The following HIP1R variants were observed in gnomAD, a reference collection of about 807,000 sequenced individuals.
HIP1R encodes huntingtin-interacting protein 1-related protein.
In HIP1R, 135 loss-of-function variants were observed where a neutral mutation model predicts 144.2. That is an observed-to-expected ratio of 0.94 (90% confidence interval 0.81 to 1.08). The LOEUF is 1.08. Ranked by LOEUF, HIP1R falls within the 50% of genes least tolerant of loss-of-function variation. The probability of loss-of-function intolerance (pLI) is 0.00; values close to 1 mark genes in which losing one functional copy is unlikely to be tolerated. For missense variants in HIP1R, 1,462 were observed against 1,432.8 expected (o/e 1.02, Z -0.33); for synonymous variants, 698 against 612.8 (o/e 1.14, Z -2.05).
At chr12:122,853,839 CTTG>C (rs996916571) in intron 7 of HIP1R, 24 of 541,280 alleles carry the variant, frequency 4.4e-5, no homozygotes, top group African/African-American at 3.3e-4. Flanking sequence ...TTGCCCTGAC[CTTG>C]TTGTTGCCGT....
At chr12:122,841,946 G>A (rs1351448174) in intron 1 of HIP1R, among the ~76,000 whole-genome samples, 1 of 152,194 alleles carries the variant, frequency 6.6e-6, no homozygotes, top group East Asian at 1.9e-4. Context: ...GGACCAAGCA[G>A]GCCTGGGTGA....
At chr12:122,858,552 C>T in intron 20 of HIP1R, 117 bp downstream of exon 20, 2 of 812,668 alleles carry the variant, frequency 2.5e-6, no homozygotes, top group Non-Finnish European at 3.8e-6. Flanking sequence ...GGAAGCCAAG[C>T]AGATGCCCCC....
At position 122,860,240 on chromosome 12, in the gene HIP1R, C is replaced by T. The variant is rs542278246; in HGVS notation, c.2559+30C>T. The T allele has an allele frequency of 3.8e-5, 59 of 1,538,020 alleles. No homozygotes were observed. In the South Asian group the frequency reaches 6.6e-4, roughly 17 times the overall value. On this transcript the variant is annotated intron_variant, in intron 26 of 31. Coordinates refer to ENST00000253083, the MANE Select transcript of HIP1R (RefSeq NM_003959.3). ...GGGGCCGGCGGCAGCAGGGCACAGTCCACAAGGAGCCTGACCCCCAGCCTA... is the reference window on the plus strand; with the variant it reads ...GGGGCCGGCGGCAGCAGGGCACAGTTCACAAGGAGCCTGACCCCCAGCCTA...
intron 1 of HIP1R, 84 bp downstream of exon 1, chr12:122,835,727 TGG>T: frequency 1.3e-6 from 1 of 780,126 alleles, no homozygotes; most frequent in Non-Finnish European, 1.5e-6. Flanking sequence ...CGCGAACGGC[TGG>T]GGCCCGGGAG....
rs759614978 is a variant in HIP1R, at chr12:122,848,830, T to C, written c.335T>C (p.Ile112Thr). 2 of 1,613,236 alleles carry C rather than the reference T, an allele frequency of 1.2e-6. No homozygotes were observed. The highest frequency in any genetic ancestry group is 2.2e-5 in the South Asian group (2 of 91,090). ...LHDCQRYRSN[I>T]REIGDLWGHL... ...GACTGCCAGCGGTACCGCAGCAACA[T>C]CCGGGAGATTGGAGACCTGTGGGTA... The change falls in exon 4 of 32, where the codon ATC (isoleucine) becomes ACC (threonine). Residue 112 changes from isoleucine to threonine, a missense_variant. Transcript: ENST00000253083.
In HIP1R at chr12:122,854,889, T is replaced by C. The variant is rs748504234; in HGVS notation, c.719-16T>C. On this transcript the variant is annotated splice_polypyrimidine_tract_variant and intron_variant, in intron 8 of 31. Coordinates refer to ENST00000253083, the MANE Select transcript of HIP1R (RefSeq NM_003959.3). ...AGTGTGCAGAGAAGTCCTGTTACAC[T>C]TGTGCCACCCTCCAGGTCTCCCTGC... 4 of 1,612,038 alleles carry C rather than the reference T, an allele frequency of 2.5e-6. No individual in the cohort carries two copies. In the South Asian group the frequency reaches 3.3e-5, roughly 13 times the overall value.
At chr12:122,845,971 G>A (rs1484815186) in intron 1 of HIP1R, among the ~76,000 whole-genome samples, 2 of 152,208 alleles carry the variant, frequency 1.3e-5, no homozygotes, top group Non-Finnish European at 2.9e-5. Flanking sequence ...AGTGTCAGGA[G>A]AAACCCCCGC....
chr12:122,859,869 G>A (rs1246852914), intron 24 of HIP1R, 39 bp downstream of exon 24: 2 of 1,594,364 alleles, frequency 1.3e-6, no homozygotes, highest in Non-Finnish European at 1.7e-6. Flanking sequence ...CAGCCGAGGT[G>A]GGCTCCCCGT....
chr12:122,858,387 G>A lies in HIP1R; in HGVS notation c.2002G>A (p.Val668Met), dbSNP rs199611460. The change falls in exon 20 of 32, where the codon GTG becomes ATG. Residue 668 changes from valine to methionine, a missense_variant. Physicochemically the swap from Val to Met is conservative, Grantham distance 21 (BLOSUM62 1). This residue lies in a region of HIP1R where 1,112 missense variants were observed against 1,011.7 expected (regional missense o/e 1.10). Transcript: ENST00000253083. Reference sequence around the variant, plus strand: ...CAGGGCCCAGGAGGCCTTGGATGCCGTGAGCACCCTGGAGGAGGGCCACGC... The same window carrying A: ...CAGGGCCCAGGAGGCCTTGGATGCCATGAGCACCCTGGAGGAGGGCCACGC... The part of the protein sequence containing the change: ...VSRAQEALDA[V>M]STLEEGHAQY... The A allele has an allele frequency of 1.4e-5, 23 of 1,611,126 alleles. No homozygotes were observed. The highest frequency in any genetic ancestry group is 5.5e-5 in the South Asian group (5 of 90,872).
chr12:122,849,749 G>A, intron 4 of HIP1R, 126 bp from the exon 5 acceptor site: 1 of 649,458 alleles, frequency 1.5e-6, no homozygotes, highest in Non-Finnish European at 2.8e-6. Flanking sequence ...GGTTGGTGGA[G>A]GCCAGGAGAA....
chr12:122,846,748 AGGGGCCG>A (rs2033221238), intron 1 of HIP1R, among the ~76,000 whole-genome samples: 2 of 152,144 alleles, frequency 1.3e-5, no homozygotes, highest in African/African-American at 4.8e-5. Flanking sequence ...GCATCGTGCT[AGGGGCCG>A]GGGGCGGCCC....
chr12:122,858,885 G>A lies in HIP1R; in HGVS notation c.2098G>A (p.Ala700Thr), dbSNP rs756568044. The A allele has an allele frequency of 1.2e-6, 2 of 1,613,286 alleles. No homozygotes were observed. The highest frequency in any genetic ancestry group is 1.3e-5 in the African/African-American group (1 of 75,054). ...TCTGACCCGCTTCTCCCACCTGGCT[G>A]CGGATACCATCATCAATGGCGGTGC... ...AALTRFSHLA[A>T]DTIINGGATS... is the part of the protein sequence containing the mutation. The change falls in exon 21 of 32, where the codon GCG (alanine) becomes ACG (threonine). Residue 700 changes from alanine (A) to threonine (T), a missense_variant. By Grantham distance (58) the Ala-to-Thr change is moderately conservative. Around this residue, in one of 2 missense-constraint regions of HIP1R, gnomAD observed 1,112 missense variants for 1,011.7 expected, o/e 1.10. Coordinates refer to ENST00000253083, the MANE Select transcript of HIP1R (RefSeq NM_003959.3).
exon 32 of HIP1R, chr12:122,862,953 TTGTTGTCAC>T (rs1232052977): frequency 1.3e-5 from 2 of 152,360 alleles, no homozygotes; most frequent in African/African-American, 4.8e-5. Context: ...CTTTGACTGT[TTGTTGTCAC>T]TGATGCCCCA....
In HIP1R at chr12:122,858,935, C is replaced by T. The variant is rs569875517; in HGVS notation, c.2148C>T (p.Asp716=). ...CCACCTCGCACCTGGCTCCCACCGA[C>T]CCTGCCGACCGTAAGTGGGTCCTGG... ...GGATSHLAPT[D]PADRLIDTCR... Residue 716 remains aspartate, a synonymous_variant, in exon 21 of 32, where the codon GAC becomes GAT. Coordinates refer to ENST00000253083, the MANE Select transcript of HIP1R (RefSeq NM_003959.3). 5 of 1,613,070 alleles carry T rather than the reference C, an allele frequency of 3.1e-6. No homozygotes were observed. The highest frequency in any genetic ancestry group is 1.1e-5 in the South Asian group (1 of 91,088).
chr12:122,853,879 C>T, intron 7 of HIP1R, 164 bp from the exon 8 acceptor site: 1 of 741,604 alleles, frequency 1.3e-6, no homozygotes, highest in Non-Finnish European at 2.1e-6. Context: ...AGCATCTGGT[C>T]TTGACCTGGG....
upstream of HIP1R, chr12:122,834,968 C>T: frequency 7.8e-7 from 1 of 1,289,206 alleles, no homozygotes; most frequent in Non-Finnish European, 1.0e-6. Flanking sequence ...CAGATTTTCT[C>T]CAATTAACCA....
At chr12:122,846,067 G>T (rs980580462) in intron 1 of HIP1R, among the ~76,000 whole-genome samples, 1 of 152,212 alleles carries the variant, frequency 6.6e-6, no homozygotes, top group African/African-American at 2.4e-5. Flanking sequence ...TCCGAACCAG[G>T]TGGCAGCTCA....
At chr12:122,834,922 T>C (rs1412392133), upstream of HIP1R, 2 of 1,286,896 alleles carry the variant, frequency 1.6e-6, no homozygotes, top group South Asian at 2.5e-5. Context: ...AAAAAAAGCG[T>C]CTATCTGTGC....
In HIP1R at chr12:122,861,029, T is replaced by A. The variant is rs2033753845; in HGVS notation, c.2880T>A (p.Ile960=). ...VASTKSGQEQ[I]EDRDTMDFSG... is the part of the protein sequence containing the mutation. ...CCACCAAGTCAGGCCAGGAGCAGAT[T>A]GAGGACAGAGGTGAGTGCCAGATGC... Residue 960 remains isoleucine, a synonymous_variant, in exon 29 of 32, where the codon ATT becomes ATA. Coordinates refer to ENST00000253083, the MANE Select transcript of HIP1R (RefSeq NM_003959.3). 1 of 1,613,506 alleles carries A rather than the reference T, an allele frequency of 6.2e-7. No individual in the cohort carries two copies. Among genetic ancestry groups the A allele is most frequent in the Non-Finnish European group, 8.5e-7 (1 of 1,179,996 alleles).
Sources: gnomAD v4.1 joint callset for allele counts (sites outside exome capture counted in the v4.1 genomes callset) on GRCh38, gnomAD v4.1.1 for gene constraint, gnomAD v4.1.1 regional missense constraint, MANE v1.5 for transcripts, NCBI Gene and HGNC (gene_info 2026-07-23, HGNC 2026-07-21) for gene names.